The following TMEM255A variants were observed in gnomAD, a reference collection of about 807,000 sequenced individuals.
TMEM255A encodes family with sequence similarity 70, member A.
In TMEM255A, 14 loss-of-function variants were observed where a neutral mutation model predicts 23.5. The observed-to-expected ratio is 0.60, with a 90% CI of 0.39 to 0.93. The LOEUF is 0.93. Ranked by LOEUF, TMEM255A falls within the 40% of genes least tolerant of loss-of-function variation. The pLI is 0.00. For synonymous variants in TMEM255A, 104 were observed against 100.3 expected (o/e 1.04, Z -0.22); for missense variants, 233 against 261.7 (o/e 0.89, Z 0.76).
intron 1 of TMEM255A, among the ~76,000 whole-genome samples, chrX:120,307,438 G>A (rs1396721535): frequency 8.9e-6 from 1 of 111,869 alleles, no homozygotes; most frequent in East Asian, 2.8e-4. Context: ...AAAGTGACAC[G>A]TAAAAAAACT....
chrX:120,266,265 A>G (rs1020700477), intron 8 of TMEM255A, among the ~76,000 whole-genome samples: 2 of 110,625 alleles, frequency 1.8e-5, no homozygotes, highest in South Asian at 3.9e-4. Context: ...TGGGTTAGGT[A>G]TGCTGTTTCC....
chrX:120,311,407 C>T lies in TMEM255A; in HGVS notation c.-98G>A, dbSNP rs1455141562. ...CATCCTACTCCGCGGTTGCCTCTCT[C>T]GGTCCTTCCGAGAGCTGAGAGACAC... On this transcript the variant is annotated 5_prime_UTR_variant, in exon 1 of 9. Coordinates refer to ENST00000371369, the MANE Select transcript of TMEM255A (RefSeq NM_001104544.3). 4 of 706,559 alleles carry T rather than the reference C, an allele frequency of 5.7e-6. No individual in the cohort carries two copies. Among genetic ancestry groups the T allele is most frequent in the Non-Finnish European group, 8.8e-6 (4 of 455,364 alleles). The allele number at this position is 706,559 out of a possible 1,213,427, so 58.2% of individuals were successfully genotyped here.
At chrX:120,307,437 C>T (rs1336681737) in intron 1 of TMEM255A, among the ~76,000 whole-genome samples, 2 of 111,619 alleles carry the variant, frequency 1.8e-5, no homozygotes, top group African/African-American at 3.3e-5. Context: ...TAAAGTGACA[C>T]GTAAAAAAAC....
intron 7 of TMEM255A, among the ~76,000 whole-genome samples, chrX:120,272,108 G>C (rs1275179453): frequency 8.9e-6 from 1 of 111,975 alleles, no homozygotes; most frequent in Non-Finnish European, 1.9e-5. Context: ...GATGCTGGGG[G>C]TGCCCAGCTC....
downstream of TMEM255A, chrX:120,256,401 A>G (rs1279754445): frequency 8.2e-6 from 1 of 122,597 alleles, no homozygotes; most frequent in Non-Finnish European, 1.9e-5. Context: ...GGCTACTGGC[A>G]TATATTTTTA....
At position 120,296,865 on chromosome X, in the gene TMEM255A, A is replaced by AT. The variant is rs1556024510; in HGVS notation, c.202-2815dup. On this transcript the variant is annotated intron_variant, in intron 2 of 8. Coordinates refer to ENST00000371369, the MANE Select transcript of TMEM255A (RefSeq NM_001104544.3). The stretch of plus-strand genomic sequence containing the variant: ...ATATATATCATATATAATATATAAT[A>AT]TATTATATATCATATATATTATATA... Among the ~76,000 whole-genome samples, 5 of 11,762 alleles carry AT rather than the reference A, an allele frequency of 4.3e-4. No homozygotes were observed. The African/African-American group carries it at 4.4e-3, about 10-fold the overall frequency. The allele number at this position is 11,762 out of a possible 115,157, so 10.2% of individuals were successfully genotyped here. A position where few individuals can be genotyped will look rare whatever the true frequency, so the allele number is the denominator to read the frequency against.
At position 120,311,451 on chromosome X, in the gene TMEM255A, G is replaced by A. The variant is rs2147228461; in HGVS notation, c.-142C>T. ...GAGACACTGCCTCTGGTTGCGAGCT[G>A]CAGCCCAAGTGCCGCCTCCCCCTCC... On this transcript the variant is annotated 5_prime_UTR_variant, in exon 1 of 9. Coordinates refer to ENST00000371369, the MANE Select transcript of TMEM255A (RefSeq NM_001104544.3). 5.9e-6 allele frequency: 3 copies of A among 509,331 alleles called. No homozygotes were observed. The East Asian group carries it at 1.1e-4, about 19-fold the overall frequency. 42.0% of individuals were successfully genotyped at this position (509,331 alleles called of 1,213,427 possible).
chrX:120,308,571 A>C (rs1468730088), intron 1 of TMEM255A, among the ~76,000 whole-genome samples: 1 of 111,942 alleles, frequency 8.9e-6, no homozygotes, highest in East Asian at 2.8e-4. Context: ...AAGGGCCTCA[A>C]GACCCTGCCA....
At chrX:120,256,344 G>A (rs1441219540), downstream of TMEM255A, 1 of 122,660 alleles carries the variant, frequency 8.2e-6, no homozygotes, top group African/African-American at 3.3e-5. Context: ...ATAAATCCTT[G>A]TAAATGATAG....
chrX:120,263,170 C>G (rs1338590481), intron 8 of TMEM255A, among the ~76,000 whole-genome samples: 1 of 111,979 alleles, frequency 8.9e-6, no homozygotes, highest in Non-Finnish European at 1.9e-5. Flanking sequence ...GCATAGTTTC[C>G]TAGCAACAGG....
At chrX:120,261,059 G>A in intron 8 of TMEM255A, 31 bp from the exon 9 acceptor site, 3 of 1,178,544 alleles carry the variant, frequency 2.5e-6, no homozygotes, top group Non-Finnish European at 3.4e-6. Flanking sequence ...GTTAGTTTAG[G>A]CAGTGAGTTT....
At chrX:120,298,973 C>G (rs1199183273) in intron 2 of TMEM255A, among the ~76,000 whole-genome samples, 1 of 110,635 alleles carries the variant, frequency 9.0e-6, no homozygotes, top group East Asian at 2.8e-4. Flanking sequence ...AAGCCCAAGT[C>G]GTGTTCAGAG....
intron 1 of TMEM255A, among the ~76,000 whole-genome samples, chrX:120,307,792 A>G (rs1556027399): frequency 1.8e-5 from 2 of 111,985 alleles, no homozygotes; most frequent in African/African-American, 6.5e-5. Context: ...CACCTCTGCA[A>G]CCAACAGCAG....
chrX:120,276,815 C>T (rs1373680573), intron 7 of TMEM255A, 70 bp downstream of exon 7: 22 of 1,080,330 alleles, frequency 2.0e-5, no homozygotes, highest in Non-Finnish European at 2.6e-5. Flanking sequence ...TGCATTTCCC[C>T]CAACTGCCTA....
intron 5 of TMEM255A, chrX:120,285,679 G>T (rs781806103): frequency 8.3e-7 from 1 of 1,210,918 alleles, no homozygotes; most frequent in East Asian, 3.0e-5. Context: ...GAGAATTTTT[G>T]GTTGAGGAAC....
At chrX:120,309,786 C>G (rs2058087720) in intron 1 of TMEM255A, 1 of 111,508 alleles carries the variant, frequency 9.0e-6, no homozygotes, top group Non-Finnish European at 1.9e-5. Context: ...AGAAAGAGTG[C>G]GCGCGCGCGA....
At chrX:120,304,224 G>A in intron 2 of TMEM255A, 125 bp downstream of exon 2, 1 of 742,452 alleles carries the variant, frequency 1.3e-6, no homozygotes, top group Non-Finnish European at 2.0e-6. Flanking sequence ...TAAATATACA[G>A]AGATACAAAG....
chrX:120,304,294 C>T, intron 2 of TMEM255A, 55 bp downstream of exon 2: 8 of 1,142,013 alleles, frequency 7.0e-6, no homozygotes, highest in Non-Finnish European at 7.1e-6. Flanking sequence ...AGAGCAGAGC[C>T]AGAATTTCTG....
intron 6 of TMEM255A, among the ~76,000 whole-genome samples, chrX:120,280,245 C>T (rs1170647917): frequency 9.1e-6 from 1 of 109,952 alleles, no homozygotes; most frequent in Non-Finnish European, 1.9e-5. Flanking sequence ...CCTCCCATTT[C>T]AGGCTCCCAA....
Sources: allele counts gnomAD v4.1 joint callset (sites outside exome capture counted in the v4.1 genomes callset), GRCh38; gene constraint gnomAD v4.1.1; transcripts MANE v1.5; gene names NCBI Gene and HGNC (gene_info 2026-07-23, HGNC 2026-07-21).